NELL1: variants seen among roughly 807,000 people sequenced by gnomAD.
NELL1 encodes the protein neural EGFL like 1, also known as protein kinase C-binding protein NELL1.
Under a neutral mutation model 107.4 loss-of-function variants are expected in NELL1, and 76 were observed. The observed-to-expected ratio is 0.71, with a 90% CI of 0.59 to 0.86. The LOEUF is 0.86. Ranked by LOEUF, NELL1 falls within the 40% of genes least tolerant of loss-of-function variation. NELL1 has a pLI of 0.00. For synonymous variants in NELL1, 353 were observed against 341.2 expected (o/e 1.03, Z -0.38); for missense variants, 1,024 against 1,005.5 (o/e 1.02, Z -0.25).
In NELL1 at chr11:21,188,485, C is replaced by G. The variant is rs199529842; in HGVS notation, c.1427-40847C>G. Among the ~76,000 whole-genome samples the G allele has an allele frequency of 4.2e-4, 39 of 92,208 alleles. No individual in the cohort carries two copies. The East Asian group carries it at 7.3e-3, about 17-fold the overall frequency. 60.5% of individuals were successfully genotyped at this position (92,208 alleles called of 152,430 possible). On this transcript the variant is annotated intron_variant, in intron 13 of 19. Transcript: ENST00000357134. ...TGTAAAGACTTTCAGGGCCCTATGG[C>G]TTTTTTCTCTCACTTTTCTTTACTC... is the stretch of plus-strand genomic sequence containing the variant.
At chr11:21,458,025 G>GCTA (rs35187276) in intron 15 of NELL1, among the ~76,000 whole-genome samples, 1 of 151,584 alleles carries the variant, frequency 6.6e-6, no homozygotes, top group African/African-American at 2.4e-5. Context: ...ATCAGGTGAT[G>GCTA]GAGACCAAGG....
At chr11:21,213,194 A>G (rs1857539671) in intron 13 of NELL1, among the ~76,000 whole-genome samples, 1 of 152,180 alleles carries the variant, frequency 6.6e-6, no homozygotes, top group South Asian at 2.1e-4. Context: ...TATGCTTAAC[A>G]TTTAAAAAAA....
chr11:21,350,378 AC>A (rs926622507), intron 14 of NELL1, among the ~76,000 whole-genome samples: 1 of 152,016 alleles, frequency 6.6e-6, no homozygotes, highest in African/African-American at 2.4e-5. Context: ...AAAAAAAAAA[AC>A]TTTAATAACC....
At chr11:21,344,360 C>A (rs1178467140) in intron 14 of NELL1, among the ~76,000 whole-genome samples, 2 of 152,142 alleles carry the variant, frequency 1.3e-5, no homozygotes, top group African/African-American at 4.8e-5. Context: ...TAATTGAGTT[C>A]TGTCAGTCAT....
At chr11:20,929,878 A>G (rs1471676884) in intron 9 of NELL1, among the ~76,000 whole-genome samples, 1 of 151,708 alleles carries the variant, frequency 6.6e-6, no homozygotes, top group African/African-American at 2.4e-5. Context: ...AGGCTGAGGC[A>G]GGAGAATTGC....
chr11:21,148,890 C>T (rs187742840), intron 13 of NELL1, among the ~76,000 whole-genome samples: 2 of 152,222 alleles, frequency 1.3e-5, no homozygotes, highest in African/African-American at 4.8e-5. Flanking sequence ...ACATTGTGGT[C>T]CTGGAACATA....
intron 14 of NELL1, among the ~76,000 whole-genome samples, chr11:21,335,011 A>G (rs1050807291): frequency 1.3e-5 from 2 of 152,004 alleles, no homozygotes; most frequent in African/African-American, 4.8e-5. Context: ...AATTAGAGGC[A>G]TGGTGTCCTC....
At chr11:21,083,684 T>C (rs192041991) in intron 12 of NELL1, among the ~76,000 whole-genome samples, 203 of 152,286 alleles carry the variant, frequency 1.3e-3, no homozygotes, top group African/African-American at 4.2e-3. Flanking sequence ...TTAGAGTATG[T>C]ATATGTCCCT....
At chr11:21,038,129 G>A (rs377643602) in intron 12 of NELL1, among the ~76,000 whole-genome samples, 10 of 152,236 alleles carry the variant, frequency 6.6e-5, no homozygotes, top group South Asian at 2.1e-4. Context: ...GCTTATAAGC[G>A]AACTGCAAGC....
chr11:20,782,456 G>T (rs974821949), intron 2 of NELL1, among the ~76,000 whole-genome samples: 1 of 152,152 alleles, frequency 6.6e-6, no homozygotes, highest in Non-Finnish European at 1.5e-5. Context: ...ATTATAGAAG[G>T]CTAAGGTGGG....
At chr11:21,398,102 ATTTT>A (rs1852020350) in intron 15 of NELL1, among the ~76,000 whole-genome samples, 2 of 151,658 alleles carry the variant, frequency 1.3e-5, no homozygotes, top group Admixed American at 6.6e-5. Flanking sequence ...ATCAACCTGT[ATTTT>A]TTAACTTTGT....
At chr11:21,457,067 T>G (rs1853765272) in intron 15 of NELL1, among the ~76,000 whole-genome samples, 1 of 152,116 alleles carries the variant, frequency 6.6e-6, no homozygotes, top group Admixed American at 6.5e-5. Flanking sequence ...TGTAAATAAA[T>G]AAATTTAAAG....
At chr11:20,708,551 C>G (rs1034580662) in intron 2 of NELL1, among the ~76,000 whole-genome samples, 1 of 151,976 alleles carries the variant, frequency 6.6e-6, no homozygotes, top group Non-Finnish European at 1.5e-5. Context: ...ATGTCCTTTG[C>G]TTACTTTTTG....
chr11:21,298,471 C>T (rs1199254219), intron 14 of NELL1, among the ~76,000 whole-genome samples: 2 of 151,974 alleles, frequency 1.3e-5, no homozygotes, highest in African/African-American at 4.8e-5. Flanking sequence ...TCTCTGACAC[C>T]GTTTTGATCT....
At chr11:21,244,806 G>A (rs991555328) in intron 14 of NELL1, among the ~76,000 whole-genome samples, 1 of 152,116 alleles carries the variant, frequency 6.6e-6, no homozygotes, top group Non-Finnish European at 1.5e-5. Context: ...TGAAGGTCAC[G>A]GTTTCTGGAG....
intron 14 of NELL1, among the ~76,000 whole-genome samples, chr11:21,302,784 A>C (rs1290023311): frequency 6.6e-6 from 1 of 151,934 alleles, no homozygotes; most frequent in Non-Finnish European, 1.5e-5. Flanking sequence ...GGCTAGGCAC[A>C]GTGATTCATG....
intron 14 of NELL1, among the ~76,000 whole-genome samples, chr11:21,326,494 A>T (rs1278848962): frequency 2.0e-5 from 3 of 152,084 alleles, no homozygotes; most frequent in Non-Finnish European, 4.4e-5. Flanking sequence ...TCTCAAATAC[A>T]TGATTTAAAA....
rs566498912 is a variant in NELL1 at position 21,404,402 on chromosome 11, G to T, written c.1645+33454G>T. On this transcript the variant is annotated intron_variant, in intron 15 of 19. Transcript: ENST00000357134. Reference sequence around the variant, plus strand: ...CAAAGGCATTAGAAGGAACTTTAGAGTATGTGGCCCATAAGAAAGCAATTA... The same window carrying T: ...CAAAGGCATTAGAAGGAACTTTAGATTATGTGGCCCATAAGAAAGCAATTA... Among the ~76,000 whole-genome samples the T allele has an allele frequency of 1.5e-3, 233 of 152,000 alleles. 2 individuals are homozygous for T. Among genetic ancestry groups the T allele is most frequent in the Non-Finnish European group, 4.9e-4 (33 of 67,926 alleles).
intron 5 of NELL1, among the ~76,000 whole-genome samples, chr11:20,891,503 C>T (rs1234520149): frequency 6.6e-6 from 1 of 152,124 alleles, no homozygotes; most frequent in African/African-American, 2.4e-5. Flanking sequence ...ATCAAATTCA[C>T]ACATAACAAT....
Sources: gnomAD v4.1 joint callset for allele counts (sites outside exome capture counted in the v4.1 genomes callset) on GRCh38, gnomAD v4.1.1 for gene constraint, MANE v1.5 for transcripts, NCBI Gene and HGNC (gene_info 2026-07-23, HGNC 2026-07-21) for gene names.